ZNF525: variants seen among roughly 807,000 people sequenced by gnomAD.
The protein encoded by ZNF525 is zinc finger protein 525.
Under a neutral mutation model 37.6 loss-of-function variants are expected in ZNF525, and 33 were observed. That is an observed-to-expected ratio of 0.88 (90% CI 0.67 to 1.17). ZNF525 has a LOEUF of 1.17. ZNF525 is among the 50% of genes most tolerant of loss of function. The pLI, the probability that ZNF525 is intolerant of heterozygous loss-of-function variation, is 0.00. For synonymous variants in ZNF525, 170 were observed against 182.3 expected (o/e 0.93, Z 0.54); for missense variants, 449 against 543.1 (o/e 0.83, Z 1.72).
At chr19:53,374,509 G>A (rs1366235114) in intron 2 of ZNF525, among the ~76,000 whole-genome samples, 1 of 152,190 alleles carries the variant, frequency 6.6e-6, no homozygotes, top group African/African-American at 2.4e-5. Context: ...TTGAAAGGGT[G>A]ATTGCTTCTT....
chr19:53,367,257 T>G (rs555470295), intron 1 of ZNF525, among the ~76,000 whole-genome samples: 95 of 150,222 alleles, frequency 6.3e-4, no homozygotes, highest in Non-Finnish European at 1.2e-3. Flanking sequence ...AGAGGAAAAC[T>G]TCTTTTCTTT....
intron 1 of ZNF525, among the ~76,000 whole-genome samples, chr19:53,367,138 T>C (rs1310815098): frequency 2.6e-5 from 4 of 152,216 alleles, no homozygotes; most frequent in Admixed American, 1.3e-4. Flanking sequence ...TTTGTCCTTT[T>C]TTTTTCCTTC....
At position 53,383,104 on chromosome 19, in the gene ZNF525, A is replaced by C. The variant is rs1342059699; in HGVS notation, c.*1085A>C. ...AATGTGGCGAGGTTTTTAATCAACA[A>C]GCACACCTTGCACGTCATCATAGAA... is the stretch of plus-strand genomic sequence containing the variant. On this transcript the variant is annotated 3_prime_UTR_variant, in exon 4 of 4. Coordinates refer to ENST00000474037, the MANE Select transcript of ZNF525 (RefSeq NM_001348156.2). 1 of 1,348,522 alleles carries C rather than the reference A, an allele frequency of 7.4e-7. No homozygotes were observed. Among genetic ancestry groups the C allele is most frequent in the East Asian group, 2.6e-5 (1 of 39,076 alleles). The allele number at this position is 1,348,522 out of a possible 1,614,324, so 83.5% of individuals were successfully genotyped here.
chr19:53,370,410 T>C (rs1221247685), intron 1 of ZNF525, among the ~76,000 whole-genome samples: 29 of 43,756 alleles, frequency 6.6e-4, no homozygotes, highest in Non-Finnish European at 1.9e-4. Flanking sequence ...CGAGACTCCA[T>C]GTCAAAAAAA....
In ZNF525 at chr19:53,385,501, C is replaced by T. The variant is rs911151547; in HGVS notation, c.*3482C>T. 16 of 153,050 alleles carry T rather than the reference C, an allele frequency of 1.0e-4. No homozygotes were observed. Among genetic ancestry groups the T allele is most frequent in the African/African-American group, 1.7e-4 (7 of 41,410 alleles). The allele number at this position is 153,050 out of a possible 1,614,324, so 9.5% of individuals were successfully genotyped here. On this transcript the variant is annotated 3_prime_UTR_variant, in exon 4 of 4. Coordinates refer to ENST00000474037, the MANE Select transcript of ZNF525 (RefSeq NM_001348156.2). ...AGGTATTCAAGACCAGCCTGGGAAA[C>T]GTGGGGAAATCCCCTTTTCTACAAA...
rs553925642 is a variant in ZNF525, at chr19:53,385,316, A to G, written c.*3297A>G. On this transcript the variant is annotated 3_prime_UTR_variant, in exon 4 of 4. Coordinates refer to ENST00000474037, the MANE Select transcript of ZNF525 (RefSeq NM_001348156.2). ...GCTCTAGTTTGATGCCCTCAAAAGG[A>G]TAAGACATGAGTATAAAAAGAGACT... is the stretch of plus-strand genomic sequence containing the variant. 3.7e-5 allele frequency: 9 copies of G among 242,988 alleles called. No individual in the cohort carries two copies. The South Asian group carries it at 8.4e-4, about 23-fold the overall frequency. The allele number at this position is 242,988 out of a possible 1,614,324, so 15.1% of individuals were successfully genotyped here. A position where few individuals can be genotyped will look rare whatever the true frequency, so the allele number is the denominator to read the frequency against.
At chr19:53,376,834 G>A (rs865896449) in intron 3 of ZNF525, among the ~76,000 whole-genome samples, 2 of 152,138 alleles carry the variant, frequency 1.3e-5, no homozygotes, top group African/African-American at 4.8e-5. Context: ...GCCAGACACG[G>A]TCGTGGGTGC....
At chr19:53,377,404 G>A (rs147499702) in intron 3 of ZNF525, among the ~76,000 whole-genome samples, 6 of 152,006 alleles carry the variant, frequency 3.9e-5, no homozygotes, top group Non-Finnish European at 7.4e-5. Flanking sequence ...TTGAACTCCC[G>A]CCCTCAGGTG....
intron 1 of ZNF525, among the ~76,000 whole-genome samples, chr19:53,366,793 G>A (rs1342548306): frequency 1.6e-5 from 2 of 122,286 alleles, no homozygotes; most frequent in African/African-American, 3.1e-5. Context: ...CCAGAGAGTG[G>A]GGACAGGGGG....
chr19:53,383,525 C>A lies in ZNF525; in HGVS notation c.*1506C>A, dbSNP rs2085583409. ...CAAGGCTTTCGGACGTGATTCACAC[C>A]TGGCACAACATCCCAGAGTTCACAC... On this transcript the variant is annotated 3_prime_UTR_variant, in exon 4 of 4. Coordinates refer to ENST00000474037, the MANE Select transcript of ZNF525 (RefSeq NM_001348156.2). The A allele has an allele frequency of 7.7e-7, 1 of 1,291,574 alleles. No individual in the cohort carries two copies. The highest frequency in any genetic ancestry group is 1.1e-6 in the Non-Finnish European group (1 of 925,892). The allele number at this position is 1,291,574 out of a possible 1,614,324, so 80.0% of individuals were successfully genotyped here.
In ZNF525 at chr19:53,381,910, G is replaced by A. The variant is rs757877168; in HGVS notation, c.1331G>A (p.Cys444Tyr). Residue 444 changes from cysteine (C) to tyrosine (Y), a missense_variant, in exon 4 of 4, where the codon TGT becomes TAT. By Grantham distance (194) the Cys-to-Tyr change is radical (BLOSUM62 -2). Transcript: ENST00000474037. The stretch of plus-strand genomic sequence containing the variant: ...GAGAAACTGTACAAATGTAATGAGT[G>A]TGGCAAGACCTTCAGTCAGGAGTTA... ...NGEKLYKCNECGKTFSQELSL... is the reference protein window; with the variant it reads ...NGEKLYKCNEYGKTFSQELSL... The A allele has an allele frequency of 5.1e-6, 5 of 974,418 alleles. No individual in the cohort carries two copies. Among genetic ancestry groups the A allele is most frequent in the Non-Finnish European group, 8.4e-6 (5 of 595,164 alleles). The allele number at this position is 974,418 out of a possible 1,614,324, so 60.4% of individuals were successfully genotyped here. A position where few individuals can be genotyped will look rare whatever the true frequency, so the allele number is the denominator to read the frequency against.
Position 53,383,663 on chromosome 19 carries a change from T to C in ZNF525, c.*1644T>C. The C allele has an allele frequency of 1.3e-6, 1 of 796,578 alleles. No individual in the cohort carries two copies. The allele number at this position is 796,578 out of a possible 1,614,324, so 49.3% of individuals were successfully genotyped here. A position where few individuals can be genotyped will look rare whatever the true frequency, so the allele number is the denominator to read the frequency against. On this transcript the variant is annotated 3_prime_UTR_variant, in exon 4 of 4. Coordinates refer to ENST00000474037, the MANE Select transcript of ZNF525 (RefSeq NM_001348156.2). ...AGGGAAACTTGACTAACGTAATGAT[T>C]CTCACAACGTCTTCAGTAATGCTAC...
chr19:53,376,485 G>T, intron 3 of ZNF525: 6 of 577,738 alleles, frequency 1.0e-5, no homozygotes, highest in South Asian at 4.5e-5. Flanking sequence ...TGTTTTTTCA[G>T]GTTTGTTTTT....
chr19:53,380,583 A>G (rs2085552131), intron 3 of ZNF525, 139 bp from the exon 4 acceptor site: 1 of 542,556 alleles, frequency 1.8e-6, no homozygotes, highest in Admixed American at 3.5e-5. Context: ...TTTCATAATA[A>G]TAATTTGAAG....
Position 53,383,522 on chromosome 19 carries a change from C to A in ZNF525, c.*1503C>A. The A allele has an allele frequency of 7.9e-7, 1 of 1,261,968 alleles. No homozygotes were observed. Among genetic ancestry groups the A allele is most frequent in the Non-Finnish European group, 1.1e-6 (1 of 900,910 alleles). 78.2% of individuals were successfully genotyped at this position (1,261,968 alleles called of 1,614,324 possible). A position where few individuals can be genotyped will look rare whatever the true frequency, so the allele number is the denominator to read the frequency against. On this transcript the variant is annotated 3_prime_UTR_variant, in exon 4 of 4. Coordinates refer to ENST00000474037, the MANE Select transcript of ZNF525 (RefSeq NM_001348156.2). ...TGACAAGGCTTTCGGACGTGATTCA[C>A]ACCTGGCACAACATCCCAGAGTTCA... is the stretch of plus-strand genomic sequence containing the variant.
In ZNF525 at chr19:53,382,304, A is replaced by G. The variant is rs1246332639; in HGVS notation, c.*285A>G. Reference sequence around the variant, plus strand: ...CATGCCATCATAGACTTCATACTGGAGAGAAACCTTACAAATGTGAAGAAT... The same window carrying G: ...CATGCCATCATAGACTTCATACTGGGGAGAAACCTTACAAATGTGAAGAAT... On this transcript the variant is annotated 3_prime_UTR_variant, in exon 4 of 4. Coordinates refer to ENST00000474037, the MANE Select transcript of ZNF525 (RefSeq NM_001348156.2). 11 of 1,393,560 alleles carry G rather than the reference A, an allele frequency of 7.9e-6. No individual in the cohort carries two copies. The African/African-American group carries it at 1.4e-4, about 18-fold the overall frequency. The allele number at this position is 1,393,560 out of a possible 1,614,324, so 86.3% of individuals were successfully genotyped here.
intron 1 of ZNF525, among the ~76,000 whole-genome samples, chr19:53,370,754 C>T (rs953964593): frequency 8.5e-4 from 129 of 152,272 alleles, no homozygotes; most frequent in African/African-American, 3.0e-3. Flanking sequence ...AGACTATCTT[C>T]GGGGCCTTTC....
Position 53,382,319 on chromosome 19 carries a change from A to C in ZNF525, c.*300A>C. On this transcript the variant is annotated 3_prime_UTR_variant, in exon 4 of 4. Transcript: ENST00000474037. ...TTCATACTGGAGAGAAACCTTACAA[A>C]TGTGAAGAATGTGATGAAACTTTCA... is the stretch of plus-strand genomic sequence containing the variant. 2 of 1,314,574 alleles carry C rather than the reference A, an allele frequency of 1.5e-6. No individual in the cohort carries two copies. The highest frequency in any genetic ancestry group is 2.2e-6 in the Non-Finnish European group (2 of 913,794). 81.4% of individuals were successfully genotyped at this position (1,314,574 alleles called of 1,614,324 possible).
chr19:53,380,338 A>C (rs763973290), intron 3 of ZNF525, among the ~76,000 whole-genome samples: 5 of 152,132 alleles, frequency 3.3e-5, no homozygotes, highest in Non-Finnish European at 7.3e-5. Context: ...TTATCCTTAC[A>C]TGAGCTTGCT....
Sources: allele counts gnomAD v4.1 joint callset (sites outside exome capture counted in the v4.1 genomes callset), GRCh38; gene constraint gnomAD v4.1.1; transcripts MANE v1.5; gene names NCBI Gene and HGNC (gene_info 2026-07-23, HGNC 2026-07-21).